TMEM131: variants seen among roughly 807,000 people sequenced by gnomAD.
The protein encoded by TMEM131 is transmembrane protein 131.
Under a neutral mutation model 211.6 loss-of-function variants are expected in TMEM131, and 66 were observed. The ratio of observed to expected loss-of-function variants is 0.31; its 90% CI spans 0.26 to 0.38. The LOEUF (loss-of-function observed/expected upper bound fraction) is 0.38, where lower values mean the gene tolerates loss of function less well. Ranked by LOEUF, TMEM131 falls within the 10% of genes least tolerant of loss-of-function variation. The pLI, the probability that TMEM131 is intolerant of heterozygous loss-of-function variation, is 1.00. For missense variants in TMEM131, 2,036 were observed against 2,299.3 expected (o/e 0.89, Z 2.34); for synonymous variants, 844 against 841.3 (o/e 1.00, Z -0.06).
rs550718927 is a variant in TMEM131, at chr2:97,983,130, T to C, written c.187+12346A>G. 9.9e-5 allele frequency among the ~76,000 whole-genome samples: 15 copies of C among 152,178 alleles called. No individual in the cohort carries two copies. The South Asian group carries it at 3.1e-3, about 32-fold the overall frequency. ...GAAGCAGGGAGCCCTTTCATTCTTT[T>C]CTTCTCTCTTCTTCTTCCCCATGCT... On this transcript the variant is annotated intron_variant, in intron 1 of 40. Coordinates refer to ENST00000186436, the MANE Select transcript of TMEM131 (RefSeq NM_015348.2).
intron 13 of TMEM131, 109 bp from the exon 14 acceptor site, chr2:97,814,497 T>C (rs1395895842): frequency 2.7e-6 from 3 of 1,101,516 alleles, no homozygotes; most frequent in South Asian, 1.9e-5. Context: ...GCATTAGGGA[T>C]TGTATTAAAG....
Position 97,844,211 on chromosome 2 carries a change from T to G in TMEM131, c.534A>C (p.Arg178Ser). 7.5e-7 allele frequency: 1 copy of G among 1,335,370 alleles called. No homozygotes were observed. 82.7% of individuals were successfully genotyped at this position (1,335,370 alleles called of 1,614,324 possible). ...AAGTATTTTCTACATTTCCTACTACTCTTGCAAGAAAAACTACATCAAATG... is the reference window on the plus strand; with the variant it reads ...AAGTATTTTCTACATTTCCTACTACGCTTGCAAGAAAAACTACATCAAATG... Reference protein sequence around the residue: ...NTSFDVVFLARVVGNVENTLF... With the variant: ...NTSFDVVFLASVVGNVENTLF... The change falls in exon 6 of 41, where the codon AGA (arginine) becomes AGC (serine). Residue 178 changes from arginine (R) to serine (S), a missense_variant. By Grantham distance (110) the Arg-to-Ser change is moderately radical. This residue lies in a region of TMEM131 where 277 missense variants were observed against 378.0 expected (regional missense o/e 0.73). Transcript: ENST00000186436.
At chr2:97,874,892 G>A (rs1198360463) in intron 4 of TMEM131, among the ~76,000 whole-genome samples, 1 of 152,056 alleles carries the variant, frequency 6.6e-6, no homozygotes, top group African/African-American at 2.4e-5. Context: ...AATGTAAATG[G>A]GCTAAATGCC....
intron 17 of TMEM131, 131 bp from the exon 18 acceptor site, chr2:97,811,363 A>T: frequency 1.5e-6 from 1 of 687,214 alleles, no homozygotes; most frequent in Non-Finnish European, 2.6e-6. Context: ...CTGAATTACC[A>T]TATCACTGTG....
At chr2:97,777,888 A>G (rs917678432) in intron 31 of TMEM131, among the ~76,000 whole-genome samples, 2 of 152,180 alleles carry the variant, frequency 1.3e-5, no homozygotes, top group African/African-American at 4.8e-5. Flanking sequence ...CCTGACCTAC[A>G]TCGAAGAGCC....
chr2:97,807,120 A>T (rs1681344808), intron 19 of TMEM131, among the ~76,000 whole-genome samples: 1 of 152,336 alleles, frequency 6.6e-6, no homozygotes, highest in East Asian at 1.9e-4. Flanking sequence ...TGTTTCCAGT[A>T]AGCTCTAGTA....
chr2:97,841,259 G>C (rs562138499), intron 7 of TMEM131, among the ~76,000 whole-genome samples: 1 of 152,304 alleles, frequency 6.6e-6, no homozygotes, highest in African/African-American at 2.4e-5. Context: ...CTGTGAAAGA[G>C]ACAAGGAGCT....
chr2:97,834,389 T>TC (rs1434185771), intron 10 of TMEM131, among the ~76,000 whole-genome samples: 2 of 152,214 alleles, frequency 1.3e-5, no homozygotes, highest in Non-Finnish European at 1.5e-5. Context: ...ATGACTTAAA[T>TC]TATCCCATGG....
At chr2:97,904,337 T>C (rs1573536765) in intron 3 of TMEM131, among the ~76,000 whole-genome samples, 1 of 151,972 alleles carries the variant, frequency 6.6e-6, no homozygotes, top group Middle Eastern at 3.4e-3. Context: ...TATAAATACA[T>C]GTACATGTAT....
At chr2:97,800,817 T>C (rs897614207) in intron 25 of TMEM131, among the ~76,000 whole-genome samples, 16 of 151,914 alleles carry the variant, frequency 1.1e-4, no homozygotes, top group African/African-American at 3.9e-4. Context: ...CTGAGCCTTC[T>C]AGATAACTTC....
chr2:97,844,078 G>A (rs1188928177), intron 6 of TMEM131, 67 bp downstream of exon 6: 13 of 434,862 alleles, frequency 3.0e-5, no homozygotes, highest in Non-Finnish European at 4.4e-5. Flanking sequence ...TTCTTAAAAG[G>A]CTGTCATATG....
At chr2:97,945,022 A>T (rs1197344461) in intron 1 of TMEM131, among the ~76,000 whole-genome samples, 3 of 152,222 alleles carry the variant, frequency 2.0e-5, no homozygotes, top group Non-Finnish European at 4.4e-5. Flanking sequence ...TGTTCATAAT[A>T]GCATTGTTCA....
chr2:97,816,139 G>A (rs899038619), intron 12 of TMEM131, among the ~76,000 whole-genome samples: 5 of 152,190 alleles, frequency 3.3e-5, no homozygotes, highest in South Asian at 2.1e-4. Context: ...TCAGGAGTTC[G>A]AGACAAACCT....
intron 4 of TMEM131, among the ~76,000 whole-genome samples, chr2:97,864,333 A>G (rs79084804): frequency 0.014 from 2,072 of 152,268 alleles, 133 homozygotes; most frequent in East Asian, 0.091. Flanking sequence ...CGGTGACTAC[A>G]GTTAAAAAAA....
At chr2:97,770,331 G>C (rs1177957146) in intron 33 of TMEM131, among the ~76,000 whole-genome samples, 4 of 152,210 alleles carry the variant, frequency 2.6e-5, no homozygotes, top group Non-Finnish European at 5.9e-5. Context: ...CAAGAGATCA[G>C]TGAGTTTAAA....
chr2:97,961,669 C>A (rs111916986), intron 1 of TMEM131, among the ~76,000 whole-genome samples: 1 of 152,144 alleles, frequency 6.6e-6, no homozygotes, highest in East Asian at 1.9e-4. Flanking sequence ...TAATACAGAA[C>A]TGACAAAATG....
At chr2:97,760,319 AG>A in intron 38 of TMEM131, 1 of 484,102 alleles carries the variant, frequency 2.1e-6, no homozygotes, top group East Asian at 3.8e-5. Flanking sequence ...CAGGAGATGG[AG>A]GAGAGTGAGA....
At chr2:97,965,459 G>T (rs904383352) in intron 1 of TMEM131, among the ~76,000 whole-genome samples, 5 of 152,118 alleles carry the variant, frequency 3.3e-5, no homozygotes, top group Non-Finnish European at 7.3e-5. Flanking sequence ...CTTTGTCTCC[G>T]CTGGACTCGG....
At chr2:97,930,766 G>A (rs372276092) in intron 1 of TMEM131, among the ~76,000 whole-genome samples, 2 of 151,666 alleles carry the variant, frequency 1.3e-5, no homozygotes, top group East Asian at 1.9e-4. Context: ...TTCAAAACCA[G>A]AACTAGTAAC....
Sources: gnomAD v4.1 joint callset for allele counts (sites outside exome capture counted in the v4.1 genomes callset) on GRCh38, gnomAD v4.1.1 for gene constraint, gnomAD v4.1.1 regional missense constraint, MANE v1.5 for transcripts, NCBI Gene and HGNC (gene_info 2026-07-23, HGNC 2026-07-21) for gene names.